PLEKHH3: variants seen among roughly 807,000 people sequenced by gnomAD.
PLEKHH3 encodes the protein pleckstrin homology, MyTH4 and FERM domain containing H3.
PLEKHH3 carries 57 observed loss-of-function variants against 77.8 expected under a neutral mutation model. The ratio of observed to expected loss-of-function variants is 0.73; its 90% CI spans 0.59 to 0.91. The LOEUF (loss-of-function observed/expected upper bound fraction) is 0.91, where lower values mean the gene tolerates loss of function less well. Among genes scored for constraint, PLEKHH3 ranks in the 40% least tolerant of loss-of-function variants. The pLI is 0.00. For missense variants in PLEKHH3, 1,082 were observed against 1,091.2 expected (o/e 0.99, Z 0.12); for synonymous variants, 467 against 504.8 (o/e 0.93, Z 1.00).
In PLEKHH3 at chr17:42,676,490, C is replaced by A; in HGVS notation, c.74G>T (p.Gly25Val). Residue 25 changes from glycine to valine, a missense_variant, in exon 1 of 13, where the codon GGG (glycine) becomes GTG (valine). Gly to Val is a moderately radical substitution (Grantham distance 109). This residue lies in a region of PLEKHH3 where 344 missense variants were observed against 320.8 expected (regional missense o/e 1.07). Coordinates refer to ENST00000591022, the MANE Select transcript of PLEKHH3 (RefSeq NM_024927.5). This position sits in a 1 kb window ranked among gnomAD's most constrained non-coding sequence, Gnocchi z 6.6. ...CCCGTCCCCGCTAAGCTCGCCGTCC[C>A]CGTAGTCCCGGTGCAGAAGAGTGAA... ...RGFTLLHRDY[G>V]DGELSGDGDE... 6.2e-7 allele frequency: 1 copy of A among 1,610,800 alleles called. No homozygotes were observed. Among genetic ancestry groups the A allele is most frequent in the Non-Finnish European group, 8.5e-7 (1 of 1,178,782 alleles).
Position 42,673,988 on chromosome 17 carries a change from TC to T in PLEKHH3, c.243del (p.Trp81Ter). 1 of 1,613,362 alleles carries T rather than the reference TC, an allele frequency of 6.2e-7. No homozygotes were observed. The highest frequency in any genetic ancestry group is 8.5e-7 in the Non-Finnish European group (1 of 1,179,896). ...GGCAGCCCTTTCTCCGGGATGAGGC[TC>T]CAAGTCTCCTCCCAGCTCTGCAGCC... ...SNRLQSWEET[W>X]SLIPEKGLPE... On this transcript the variant is annotated frameshift_variant, in exon 3 of 13. Coordinates refer to ENST00000591022, the MANE Select transcript of PLEKHH3 (RefSeq NM_024927.5). LOFTEE classifies it high-confidence loss of function.
In PLEKHH3 at chr17:42,670,718, A is replaced by T. The variant is rs1217218195; in HGVS notation, c.1422-13T>A. 3.7e-6 allele frequency: 6 copies of T among 1,607,290 alleles called. No individual in the cohort carries two copies. The African/African-American group carries it at 5.4e-5, about 14-fold the overall frequency. The stretch of plus-strand genomic sequence containing the variant: ...CTCCGCGGCCAAGCTGCAGAAGAGG[A>T]GCGGACGAAGCGCTAGGGAGAAGCC... On this transcript the variant is annotated splice_polypyrimidine_tract_variant and intron_variant, in intron 9 of 12. Transcript: ENST00000591022.
chr17:42,670,451 C>G (rs2052668496), intron 10 of PLEKHH3, 75 bp from the exon 11 acceptor site: 1 of 1,475,148 alleles, frequency 6.8e-7, no homozygotes, highest in African/African-American at 1.4e-5. Context: ...GGAATCTGAG[C>G]AGGTCTAGGT....
In PLEKHH3 at chr17:42,668,194, G is replaced by T; in HGVS notation, c.2315C>A (p.Pro772His). 1 of 1,556,776 alleles carries T rather than the reference G, an allele frequency of 6.4e-7. No individual in the cohort carries two copies. Residue 772 changes from proline to histidine, a missense_variant, in exon 13 of 13, where the codon CCC becomes CAC. By Grantham distance (77) the Pro-to-His change is moderately conservative (BLOSUM62 -2). This residue lies in a region of PLEKHH3 where 733 missense variants were observed against 750.0 expected (regional missense o/e 0.98). Transcript: ENST00000591022. ...PCQDLPDTSP[P>H]SQRPGLDEPQ... ...CTCGTCCAGGCCCGGGCGCTGGCTGGGAGGGGAGGTGTCTGGCAGGTCTTG... is the reference window on the plus strand; with the variant it reads ...CTCGTCCAGGCCCGGGCGCTGGCTGTGAGGGGAGGTGTCTGGCAGGTCTTG...
In PLEKHH3 at chr17:42,673,420, C is replaced by T. The variant is rs142130940; in HGVS notation, c.627G>A (p.Gln209=). 6.2e-7 allele frequency: 1 copy of T among 1,613,498 alleles called. No individual in the cohort carries two copies. Among genetic ancestry groups the T allele is most frequent in the Admixed American group, 1.7e-5 (1 of 60,010 alleles). ...GTACCTGTATGTCCCTGAGCAGTAG[C>T]TGGGTGGGGGTCTCCAGGGGTGCCT... ...ASKAPLETPT[Q]LLLRDIQESC... is the part of the protein sequence containing the mutation. The change falls in exon 5 of 13, where the codon CAG becomes CAA. Residue 209 remains glutamine (Q), a synonymous_variant. Coordinates refer to ENST00000591022, the MANE Select transcript of PLEKHH3 (RefSeq NM_024927.5).
rs975390053 is a variant in PLEKHH3, at chr17:42,668,125, G to A, written c.*2C>T. 1 of 1,428,672 alleles carries A rather than the reference G, an allele frequency of 7.0e-7. No individual in the cohort carries two copies. The highest frequency in any genetic ancestry group is 1.5e-5 in the African/African-American group (1 of 67,714). The allele number at this position is 1,428,672 out of a possible 1,614,324, so 88.5% of individuals were successfully genotyped here. A position where few individuals can be genotyped will look rare whatever the true frequency, so the allele number is the denominator to read the frequency against. On this transcript the variant is annotated 3_prime_UTR_variant, in exon 13 of 13. Coordinates refer to ENST00000591022, the MANE Select transcript of PLEKHH3 (RefSeq NM_024927.5). Reference sequence around the variant, plus strand: ...GAGGGAAGTCGTGACCTCTTGGCAGGCTCAGTCCTGCAGCTGCCCCAAGCA... The same window carrying A: ...GAGGGAAGTCGTGACCTCTTGGCAGACTCAGTCCTGCAGCTGCCCCAAGCA...
chr17:42,669,550 T>C lies in PLEKHH3; in HGVS notation c.2085A>G (p.Pro695=), dbSNP rs778823833. The change falls in exon 12 of 13, where the codon CCA becomes CCG. Residue 695 remains proline (P), a synonymous_variant. Coordinates refer to ENST00000591022, the MANE Select transcript of PLEKHH3 (RefSeq NM_024927.5). ...LGAKAMSLSR[P]GETEPIHSVS... ...CACTGTGGATGGGCTCCGTCTCCCC[T>C]GGCCGGGAGAGGGACATGGCCTTGG... 1 of 1,611,964 alleles carries C rather than the reference T, an allele frequency of 6.2e-7. No individual in the cohort carries two copies. The highest frequency in any genetic ancestry group is 8.5e-7 in the Non-Finnish European group (1 of 1,179,084).
Position 42,671,935 on chromosome 17 carries a change from C to A in PLEKHH3, c.1076+151G>T, listed in dbSNP as rs1219315787. On this transcript the variant is annotated intron_variant, in intron 7 of 12. Coordinates refer to ENST00000591022, the MANE Select transcript of PLEKHH3 (RefSeq NM_024927.5). This position sits in a 1 kb window ranked among gnomAD's most constrained non-coding sequence, Gnocchi z 4.7. ...GGCGTTTTATTGTAATTCATCCGCTCACAACTGCGATAGGATCTTGTATCT... is the reference window on the plus strand; with the variant it reads ...GGCGTTTTATTGTAATTCATCCGCTAACAACTGCGATAGGATCTTGTATCT... The A allele has an allele frequency of 4.2e-6, 3 of 710,926 alleles. No individual in the cohort carries two copies. The highest frequency in any genetic ancestry group is 3.6e-5 in the African/African-American group (2 of 55,578). The allele number at this position is 710,926 out of a possible 1,614,324, so 44.0% of individuals were successfully genotyped here.
chr17:42,670,953 G>A (rs1414319726), intron 9 of PLEKHH3, 41 bp downstream of exon 9: 1 of 1,591,562 alleles, frequency 6.3e-7, no homozygotes. Context: ...GCTGAGAAGT[G>A]GATGGGCTAA....
In PLEKHH3 at chr17:42,671,113, C is replaced by A; in HGVS notation, c.1302G>T (p.Val434=). 6.3e-7 allele frequency: 1 copy of A among 1,589,550 alleles called. No homozygotes were observed. The highest frequency in any genetic ancestry group is 8.6e-7 in the Non-Finnish European group (1 of 1,167,220). ...GGCTCCGGGCCAAGCCCAGCCGCCC[C>A]ACCAGCTCTCGAGCCACCTAGAAGA... ...TTAGEVAREL[V]GRLGLARSRN... is the part of the protein sequence containing the mutation. The change falls in exon 9 of 13, where the codon GTG becomes GTT. Residue 434 remains valine, a synonymous_variant. Coordinates refer to ENST00000591022, the MANE Select transcript of PLEKHH3 (RefSeq NM_024927.5). The surrounding 1 kb of genome is among the most constrained non-coding windows in gnomAD (Gnocchi z 4.7).
chr17:42,671,594 G>A lies in PLEKHH3; in HGVS notation c.1077-36C>T. Reference sequence around the variant, plus strand: ...AGGAACCCAGGGATCAATACTCCAAGGGCTTTCTTCTCCCCCTCCCTCTTG... The same window carrying A: ...AGGAACCCAGGGATCAATACTCCAAAGGCTTTCTTCTCCCCCTCCCTCTTG... On this transcript the variant is annotated intron_variant, in intron 7 of 12. Transcript: ENST00000591022. The surrounding 1 kb of genome is among the most constrained non-coding windows in gnomAD (Gnocchi z 4.7). 3 of 1,561,456 alleles carry A rather than the reference G, an allele frequency of 1.9e-6. No homozygotes were observed. Among genetic ancestry groups the A allele is most frequent in the Non-Finnish European group, 2.6e-6 (3 of 1,148,468 alleles).
Position 42,667,970 on chromosome 17 carries a change from A to T in PLEKHH3, c.*157T>A. 1 of 543,176 alleles carries T rather than the reference A, an allele frequency of 1.8e-6. No homozygotes were observed. Among genetic ancestry groups the T allele is most frequent in the Non-Finnish European group, 2.8e-6 (1 of 359,466 alleles). The allele number at this position is 543,176 out of a possible 1,614,324, so 33.6% of individuals were successfully genotyped here. ...TTGCTTCTCTTCTACAAATAAATTA[A>T]GAAACAAACTAGAAAATTACCCACA... On this transcript the variant is annotated 3_prime_UTR_variant, in exon 13 of 13. Coordinates refer to ENST00000591022, the MANE Select transcript of PLEKHH3 (RefSeq NM_024927.5).
Position 42,673,386 on chromosome 17 carries a change from C to G in PLEKHH3, c.648+13G>C. On this transcript the variant is annotated intron_variant, in intron 5 of 12. Transcript: ENST00000591022. ...TGGGGTCCACCACTCTCCTGGCTCT[C>G]CCTGGTGTGTACCTGTATGTCCCTG... The G allele has an allele frequency of 1.2e-6, 2 of 1,613,072 alleles. No homozygotes were observed. The highest frequency in any genetic ancestry group is 1.3e-5 in the African/African-American group (1 of 74,994).
chr17:42,670,604 T>C lies in PLEKHH3; in HGVS notation c.1523A>G (p.Asp508Gly), dbSNP rs2052673161. The C allele has an allele frequency of 6.2e-7, 1 of 1,612,304 alleles. No homozygotes were observed. The highest frequency in any genetic ancestry group is 1.3e-5 in the African/African-American group (1 of 75,050). The change falls in exon 10 of 13, where the codon GAC becomes GGC. Residue 508 changes from aspartate to glycine, a missense_variant. Coordinates refer to ENST00000591022, the MANE Select transcript of PLEKHH3 (RefSeq NM_024927.5). ...AAAGAGGAAAGGCAGTTCGTGACCG[T>C]CTGGGGACAGCCCCTCAGGGTGCAG... ...GPLHPEGLSP[D>G]GHELPFLFEQ...
intron 1 of PLEKHH3, among the ~76,000 whole-genome samples, chr17:42,675,104 C>A (rs890559745): frequency 4.6e-5 from 7 of 152,140 alleles, no homozygotes; most frequent in African/African-American, 1.7e-4. Flanking sequence ...CCCTCCCCCT[C>A]CCCCTCCTCC....
Position 42,668,104 on chromosome 17 carries a change from G to A in PLEKHH3, c.*23C>T. On this transcript the variant is annotated 3_prime_UTR_variant, in exon 13 of 13. Coordinates refer to ENST00000591022, the MANE Select transcript of PLEKHH3 (RefSeq NM_024927.5). Reference sequence around the variant, plus strand: ...CCTGGCCCAGGCTGCAGGCAGGAGGGAAGTCGTGACCTCTTGGCAGGCTCA... The same window carrying A: ...CCTGGCCCAGGCTGCAGGCAGGAGGAAAGTCGTGACCTCTTGGCAGGCTCA... 2.2e-6 allele frequency: 3 copies of A among 1,393,358 alleles called. No homozygotes were observed. The highest frequency in any genetic ancestry group is 2.8e-6 in the Non-Finnish European group (3 of 1,077,832). 86.3% of individuals were successfully genotyped at this position (1,393,358 alleles called of 1,614,324 possible).
rs889885676 is a variant in PLEKHH3 at position 42,671,969 on chromosome 17, G to A, written c.1076+117C>T. ...GATAGGATCTTGTATCTCCCACAAAGGCACTGTATGTATTACTCGGTTCTT... is the reference window on the plus strand; with the variant it reads ...GATAGGATCTTGTATCTCCCACAAAAGCACTGTATGTATTACTCGGTTCTT... On this transcript the variant is annotated intron_variant, in intron 7 of 12. Coordinates refer to ENST00000591022, the MANE Select transcript of PLEKHH3 (RefSeq NM_024927.5). The surrounding 1 kb of genome is among the most constrained non-coding windows in gnomAD (Gnocchi z 4.7). 1.3e-5 allele frequency: 11 copies of A among 835,636 alleles called. No individual in the cohort carries two copies. The African/African-American group carries it at 1.4e-4, about 10-fold the overall frequency. The allele number at this position is 835,636 out of a possible 1,614,324, so 51.8% of individuals were successfully genotyped here.
chr17:42,668,415 C>G (rs2052603939), intron 12 of PLEKHH3, 112 bp from the exon 13 acceptor site: 2 of 907,156 alleles, frequency 2.2e-6, no homozygotes, highest in Non-Finnish European at 3.1e-6. Flanking sequence ...CCTACGTGCT[C>G]TGGCCCTGCA....
rs2052695326 is a variant in PLEKHH3 at position 42,671,317 on chromosome 17, G to C, written c.1284+34C>G. 3 of 1,602,250 alleles carry C rather than the reference G, an allele frequency of 1.9e-6. No individual in the cohort carries two copies. Among genetic ancestry groups the C allele is most frequent in the Non-Finnish European group, 2.6e-6 (3 of 1,173,094 alleles). ...ACAGGCGTGAGAAGCTGGCAGGGTG[G>C]GTTGGAGGTCATGGGGCCTTTCTCT... is the stretch of plus-strand genomic sequence containing the variant. On this transcript the variant is annotated intron_variant, in intron 8 of 12. Coordinates refer to ENST00000591022, the MANE Select transcript of PLEKHH3 (RefSeq NM_024927.5). This position sits in a 1 kb window ranked among gnomAD's most constrained non-coding sequence, Gnocchi z 4.7.
Sources: gnomAD v4.1 joint callset for allele counts (sites outside exome capture counted in the v4.1 genomes callset) on GRCh38, gnomAD v4.1.1 for gene constraint, gnomAD v4.1.1 regional missense constraint, Gnocchi (gnomAD v3.1) non-coding constraint, MANE v1.5 for transcripts, NCBI Gene and HGNC (gene_info 2026-07-23, HGNC 2026-07-21) for gene names.